B3GNT2: variants seen among roughly 807,000 people sequenced by gnomAD.
The protein encoded by B3GNT2 is N-acetyllactosaminide beta-1,3-N-acetylglucosaminyltransferase 2.
A neutral mutation model predicts 27.6 loss-of-function variants in B3GNT2; 12 were observed. That is an observed-to-expected ratio of 0.44 (90% CI 0.28 to 0.71). The LOEUF is 0.71. Among genes scored for constraint, B3GNT2 ranks in the 30% least tolerant of loss-of-function variants. The pLI, the probability that B3GNT2 is intolerant of heterozygous loss-of-function variation, is 0.17. For synonymous variants in B3GNT2, 192 were observed against 189.7 expected (o/e 1.01, Z -0.10); for missense variants, 413 against 488.5 (o/e 0.85, Z 1.46).
At chr2:62,213,763 T>C (rs1674521229) in intron 1 of B3GNT2, among the ~76,000 whole-genome samples, 1 of 152,170 alleles carries the variant, frequency 6.6e-6, no homozygotes, top group African/African-American at 2.4e-5. Flanking sequence ...AGTGAGACAG[T>C]TTTCTATAAA....
At chr2:62,199,206 T>C (rs935271358) in intron 1 of B3GNT2, among the ~76,000 whole-genome samples, 53 of 152,258 alleles carry the variant, frequency 3.5e-4, no homozygotes, top group Non-Finnish European at 3.7e-4. Context: ...CCCAAAGTGC[T>C]GGGATTACAG....
intron 1 of B3GNT2, among the ~76,000 whole-genome samples, chr2:62,204,470 G>A (rs890033987): frequency 1.3e-5 from 2 of 152,204 alleles, no homozygotes; most frequent in Non-Finnish European, 2.9e-5. Context: ...CTGGGAAGCC[G>A]AATGATATTT....
chr2:62,221,048 G>C (rs745529204), intron 1 of B3GNT2, among the ~76,000 whole-genome samples: 4 of 152,156 alleles, frequency 2.6e-5, no homozygotes, highest in Non-Finnish European at 2.9e-5. Flanking sequence ...GCCTTCATCA[G>C]GATCAAGACC....
intron 1 of B3GNT2, among the ~76,000 whole-genome samples, chr2:62,213,155 T>C (rs558846348): frequency 6.6e-6 from 1 of 152,180 alleles, no homozygotes; most frequent in East Asian, 1.9e-4. Context: ...TACAAAAAAA[T>C]TTAAAAAATT....
At chr2:62,198,134 C>G (rs1573254857) in intron 1 of B3GNT2, among the ~76,000 whole-genome samples, 1 of 152,292 alleles carries the variant, frequency 6.6e-6, no homozygotes, top group East Asian at 1.9e-4. Context: ...AGCAAGGGTT[C>G]ACTGTTTCTC....
intron 1 of B3GNT2, among the ~76,000 whole-genome samples, chr2:62,218,048 A>G (rs1573270101): frequency 6.6e-6 from 1 of 152,356 alleles, no homozygotes; most frequent in South Asian, 2.1e-4. Flanking sequence ...AGTTTATAAC[A>G]TCTTCCCCCA....
At chr2:62,211,761 C>G (rs1314267171) in intron 1 of B3GNT2, among the ~76,000 whole-genome samples, 1 of 148,800 alleles carries the variant, frequency 6.7e-6, no homozygotes, top group African/African-American at 2.6e-5. Context: ...CATGAACTGG[C>G]TGTGTCCATC....
chr2:62,212,757 T>C (rs976458735), intron 1 of B3GNT2, among the ~76,000 whole-genome samples: 3 of 152,118 alleles, frequency 2.0e-5, no homozygotes, highest in African/African-American at 7.2e-5. Context: ...TTCCAGGGCA[T>C]CCTTTAGATT....
At chr2:62,197,223 G>A (rs555352146) in intron 1 of B3GNT2, among the ~76,000 whole-genome samples, 1 of 152,074 alleles carries the variant, frequency 6.6e-6, no homozygotes, top group Non-Finnish European at 1.5e-5. Context: ...CGGGACTGGC[G>A]GCTACTCCAG....
chr2:62,212,980 C>T (rs1254643898), intron 1 of B3GNT2, among the ~76,000 whole-genome samples: 1 of 152,136 alleles, frequency 6.6e-6, no homozygotes, highest in Admixed American at 6.5e-5. Context: ...CTTGCTTGTA[C>T]ACAGGTCCTA....
chr2:62,199,404 G>T (rs557373825), intron 1 of B3GNT2, among the ~76,000 whole-genome samples: 11 of 152,188 alleles, frequency 7.2e-5, no homozygotes, highest in African/African-American at 2.4e-4. Context: ...GTATTTTTTT[G>T]ATGGTTTTAT....
At chr2:62,196,742 G>C (rs1169582229) in intron 1 of B3GNT2, among the ~76,000 whole-genome samples, 1 of 152,172 alleles carries the variant, frequency 6.6e-6, no homozygotes, top group Non-Finnish European at 1.5e-5. Context: ...ATCCGGCGCC[G>C]GGGCGATGCG....
chr2:62,220,182 C>A (rs1178234923), intron 1 of B3GNT2, among the ~76,000 whole-genome samples: 2 of 152,246 alleles, frequency 1.3e-5, no homozygotes, highest in Non-Finnish European at 2.9e-5. Flanking sequence ...GGGACTGTTA[C>A]CATCTTTGCT....
At position 62,223,274 on chromosome 2, in the gene B3GNT2, G is replaced by A; in HGVS notation, c.1054G>A (p.Gly352Ser). ...CGGCCTCGTTCCAGAGAAACACAAAGGCTTCAGGACATTTGATATCGAGGA... is the reference window on the plus strand; with the variant it reads ...CGGCCTCGTTCCAGAGAAACACAAAAGCTTCAGGACATTTGATATCGAGGA... ...KLGLVPEKHK[G>S]FRTFDIEEKN... Residue 352 changes from glycine (G) to serine (S), a missense_variant, in exon 2 of 2, where the codon GGC becomes AGC. By Grantham distance (56) the Gly-to-Ser change is moderately conservative (BLOSUM62 0). Coordinates refer to ENST00000301998, the MANE Select transcript of B3GNT2 (RefSeq NM_006577.6). 1.2e-6 allele frequency: 2 copies of A among 1,614,148 alleles called. No homozygotes were observed. The highest frequency in any genetic ancestry group is 1.7e-4 in the Middle Eastern group (1 of 6,060).
intron 1 of B3GNT2, among the ~76,000 whole-genome samples, chr2:62,220,942 A>G (rs951222681): frequency 6.6e-6 from 1 of 152,174 alleles, no homozygotes; most frequent in Non-Finnish European, 1.5e-5. Flanking sequence ...ATCTTTTGAT[A>G]TTTCACTAAA....
In B3GNT2 at chr2:62,205,383, T is replaced by C. The variant is rs1420691937; in HGVS notation, c.-10+9028T>C. On this transcript the variant is annotated intron_variant, in intron 1 of 1. Transcript: ENST00000301998. ...AAGGCCTGAATGATGCCTCCCCTTT[T>C]ATAGAACATTTGGATAAAAGGCCAA... Among the ~76,000 whole-genome samples, 4 of 152,244 alleles carry C rather than the reference T, an allele frequency of 2.6e-5. No homozygotes were observed. In the East Asian group the frequency reaches 7.7e-4, roughly 29 times the overall value.
intron 1 of B3GNT2, among the ~76,000 whole-genome samples, chr2:62,207,373 C>T (rs889942492): frequency 2.0e-5 from 3 of 151,822 alleles, no homozygotes; most frequent in Admixed American, 6.6e-5. Context: ...TTTGCAGAGA[C>T]GGGGTTTCAT....
intron 1 of B3GNT2, chr2:62,221,912 A>G: frequency 3.7e-6 from 2 of 542,744 alleles, no homozygotes; most frequent in Non-Finnish European, 7.0e-6. Flanking sequence ...AGTCACTTAC[A>G]TAGTGCTTGC....
chr2:62,224,465 G>A lies in B3GNT2; in HGVS notation c.*1051G>A, dbSNP rs1278045518. On this transcript the variant is annotated 3_prime_UTR_variant, in exon 2 of 2. Coordinates refer to ENST00000301998, the MANE Select transcript of B3GNT2 (RefSeq NM_006577.6). Reference sequence around the variant, plus strand: ...TTATGTAATATTTTATTTGTATACAGTGTTGTTGATGAAATATTTAACTAG... The same window carrying A: ...TTATGTAATATTTTATTTGTATACAATGTTGTTGATGAAATATTTAACTAG... 1 of 166,964 alleles carries A rather than the reference G, an allele frequency of 6.0e-6. No homozygotes were observed. Among genetic ancestry groups the A allele is most frequent in the Admixed American group, 6.5e-5 (1 of 15,280 alleles). The allele number at this position is 166,964 out of a possible 1,614,324, so 10.3% of individuals were successfully genotyped here.
Sources: allele counts gnomAD v4.1 joint callset (sites outside exome capture counted in the v4.1 genomes callset), GRCh38; gene constraint gnomAD v4.1.1; transcripts MANE v1.5; gene names NCBI Gene and HGNC (gene_info 2026-07-23, HGNC 2026-07-21).